MSRB3: variants seen among roughly 807,000 people sequenced by gnomAD.
MSRB3 encodes methionine sulfoxide reductase B3, also known as methionine-R-sulfoxide reductase B3.
Under a neutral mutation model 21.0 loss-of-function variants are expected in MSRB3, and 13 were observed. The observed-to-expected ratio is 0.62, with a 90% CI of 0.40 to 0.98. The LOEUF is 0.98. MSRB3 is among the 50% of genes least tolerant of loss of function. The pLI, the probability that MSRB3 is intolerant of heterozygous loss-of-function variation, is 0.00. For synonymous variants in MSRB3, 87 were observed against 88.6 expected, an observed-to-expected ratio of 0.98 and a Z score of 0.10; for missense variants, 199 against 230.3, an observed-to-expected ratio of 0.86 and a Z score of 0.88.
chr12:65,400,152 G>T (rs940375622), intron 5 of MSRB3, among the ~76,000 whole-genome samples: 8 of 151,640 alleles, frequency 5.3e-5, no homozygotes, highest in African/African-American at 1.7e-4. Context: ...TTTTTCTATT[G>T]TTTGGAATAG....
At chr12:65,409,680 C>G (rs1216198954) in intron 5 of MSRB3, among the ~76,000 whole-genome samples, 5 of 152,006 alleles carry the variant, frequency 3.3e-5, no homozygotes, top group Non-Finnish European at 5.9e-5. Flanking sequence ...AACAAAATAC[C>G]TCATCCATCT....
chr12:65,463,338 T>A lies in MSRB3; in HGVS notation c.*16T>A, dbSNP rs762886923. ...GGAGCTCTAGAGTAATGGAGAGTGA[T>A]GGAAACAAAGTGTACTTAATGCACA... On this transcript the variant is annotated 3_prime_UTR_variant, in exon 7 of 7. Transcript: ENST00000308259. 7 of 1,613,986 alleles carry A rather than the reference T, an allele frequency of 4.3e-6. No homozygotes were observed. In the East Asian group the frequency reaches 1.6e-4, roughly 36 times the overall value.
intron 5 of MSRB3, 103 bp from the exon 6 acceptor site, chr12:65,453,625 T>A: frequency 2.3e-6 from 2 of 885,088 alleles, no homozygotes; most frequent in South Asian, 1.4e-5. Context: ...AAACATACAC[T>A]AAGGATTTTC....
intron 2 of MSRB3, among the ~76,000 whole-genome samples, chr12:65,326,591 G>T (rs530992661): frequency 1.6e-4 from 25 of 152,284 alleles, no homozygotes; most frequent in African/African-American, 4.6e-4. Context: ...ACATGCTAGA[G>T]ACTGGCTGTA....
intron 5 of MSRB3, among the ~76,000 whole-genome samples, chr12:65,399,521 C>A (rs1371152953): frequency 6.6e-6 from 1 of 152,166 alleles, no homozygotes; most frequent in Non-Finnish European, 1.5e-5. Flanking sequence ...ATGAGGTTTT[C>A]TAAATATACA....
chr12:65,314,150 G>T (rs1393387290), intron 2 of MSRB3, among the ~76,000 whole-genome samples: 1 of 152,070 alleles, frequency 6.6e-6, no homozygotes, highest in Non-Finnish European at 1.5e-5. Flanking sequence ...TGTCTTTCAT[G>T]TGTAGACTTT....
intron 5 of MSRB3, among the ~76,000 whole-genome samples, chr12:65,393,259 TTTTA>T (rs1313307261): frequency 1.3e-5 from 2 of 152,184 alleles, no homozygotes; most frequent in African/African-American, 2.4e-5. Flanking sequence ...GAATTTTGAT[TTTTA>T]TTTTTTATCC....
intron 4 of MSRB3, among the ~76,000 whole-genome samples, chr12:65,368,690 C>G (rs562558066): frequency 6.6e-6 from 1 of 152,008 alleles, no homozygotes; most frequent in Non-Finnish European, 1.5e-5. Flanking sequence ...CTTACTGAAA[C>G]AAGTTAATCT....
At chr12:65,408,878 C>T (rs573993198) in intron 5 of MSRB3, among the ~76,000 whole-genome samples, 1 of 152,268 alleles carries the variant, frequency 6.6e-6, no homozygotes, top group African/African-American at 2.4e-5. Flanking sequence ...GAGGGCAGGC[C>T]TTGTTAAAAA....
At chr12:65,302,129 G>A (rs1049826070) in intron 1 of MSRB3, among the ~76,000 whole-genome samples, 1 of 151,596 alleles carries the variant, frequency 6.6e-6, no homozygotes, top group Non-Finnish European at 1.5e-5. Flanking sequence ...AAGTTTCTCA[G>A]CTGTAATTTT....
At chr12:65,436,819 A>T (rs1882139347) in intron 5 of MSRB3, among the ~76,000 whole-genome samples, 1 of 151,848 alleles carries the variant, frequency 6.6e-6, no homozygotes, top group South Asian at 2.1e-4. Context: ...TGCCACAGAG[A>T]TTGTTTGGTG....
At chr12:65,453,988 C>G in intron 6 of MSRB3, 163 bp downstream of exon 6, 3 of 709,500 alleles carry the variant, frequency 4.2e-6, no homozygotes, top group Admixed American at 4.0e-5. Context: ...TTTAGCAAGT[C>G]TAGTGGAATG....
chr12:65,431,100 T>C (rs1881855994), intron 5 of MSRB3, among the ~76,000 whole-genome samples: 2 of 152,042 alleles, frequency 1.3e-5, no homozygotes, highest in South Asian at 4.1e-4. Context: ...TAAAATTCTT[T>C]TATTCCCCAA....
At chr12:65,281,572 A>G (rs1872022769) in intron 1 of MSRB3, 1 of 152,264 alleles carries the variant, frequency 6.6e-6, no homozygotes, top group African/African-American at 2.4e-5. Flanking sequence ...ATACCTGGAC[A>G]GATTCCGTGT....
chr12:65,348,185 G>A (rs1565846554), intron 4 of MSRB3, among the ~76,000 whole-genome samples: 2 of 152,070 alleles, frequency 1.3e-5, no homozygotes, highest in Non-Finnish European at 2.9e-5. Flanking sequence ...TGTACCTCTG[G>A]TAGAATTCGA....
At chr12:65,365,597 T>G (rs957446447) in intron 4 of MSRB3, among the ~76,000 whole-genome samples, 11 of 152,102 alleles carry the variant, frequency 7.2e-5, no homozygotes, top group African/African-American at 2.4e-4. Context: ...AATGCATATG[T>G]TTTTACATGG....
chr12:65,340,273 G>A (rs1485276377), intron 4 of MSRB3, among the ~76,000 whole-genome samples: 1 of 152,092 alleles, frequency 6.6e-6, no homozygotes. Context: ...AGGACTGGCA[G>A]ACAGCAACAG....
At chr12:65,335,482 C>T (rs1310361169) in intron 4 of MSRB3, among the ~76,000 whole-genome samples, 1 of 152,166 alleles carries the variant, frequency 6.6e-6, no homozygotes, top group Non-Finnish European at 1.5e-5. Context: ...AGAACATAAG[C>T]CCTTTCACTG....
intron 5 of MSRB3, among the ~76,000 whole-genome samples, chr12:65,433,877 A>G (rs755435053): frequency 4.6e-5 from 7 of 151,810 alleles, no homozygotes; most frequent in Non-Finnish European, 1.0e-4. Context: ...CTGGTGCCTC[A>G]CTAGATGTGG....
Sources: allele counts gnomAD v4.1 joint callset (sites outside exome capture counted in the v4.1 genomes callset), GRCh38; gene constraint gnomAD v4.1.1; transcripts MANE v1.5; gene names NCBI Gene and HGNC (gene_info 2026-07-23, HGNC 2026-07-21).